Variants in FARP1 observed in about 807,000 individuals in gnomAD.
FARP1 encodes FERM, ARHGEF and pleckstrin domain-containing protein 1.
FARP1 carries 52 observed loss-of-function variants against 128.8 expected under a neutral mutation model. That is an observed-to-expected ratio of 0.40 (90% CI 0.32 to 0.51). The LOEUF (loss-of-function observed/expected upper bound fraction) is 0.51, where lower values mean the gene tolerates loss of function less well. FARP1 is among the 20% of genes least tolerant of loss of function. The probability of loss-of-function intolerance (pLI) is 0.45; values close to 1 mark genes in which losing one functional copy is unlikely to be tolerated. For synonymous variants in FARP1, 580 were observed against 551.8 expected, an observed-to-expected ratio of 1.05 and a Z score of -0.72; for missense variants, 1,333 against 1,367.9, an observed-to-expected ratio of 0.97 and a Z score of 0.40.
chr13:98,266,529 A>G lies in FARP1; in HGVS notation c.171+53116A>G, dbSNP rs568356426. Among the ~76,000 whole-genome samples the G allele has an allele frequency of 2.9e-3, 448 of 152,296 alleles. 3 individuals are homozygous for G. The highest frequency in any genetic ancestry group is 4.9e-3 in the Non-Finnish European group (331 of 68,026). On this transcript the variant is annotated intron_variant, in intron 2 of 26. Transcript: ENST00000319562. ...CTGGTGTGAACATTAACCCAGAACT[A>G]GCTTACTTACTTGCTCTGCCAAGAA...
At chr13:98,166,882 C>A (rs1877305164) in intron 1 of FARP1, among the ~76,000 whole-genome samples, 1 of 152,042 alleles carries the variant, frequency 6.6e-6, no homozygotes, top group Non-Finnish European at 1.5e-5. Flanking sequence ...CACTACCACA[C>A]CTGACTTAAT....
rs773576222 is a variant in FARP1, at chr13:98,409,320, C to G, written c.1415-18C>G. The G allele has an allele frequency of 1.3e-6, 2 of 1,544,326 alleles. No homozygotes were observed. Among genetic ancestry groups the G allele is most frequent in the Non-Finnish European group, 1.8e-6 (2 of 1,140,624 alleles). On this transcript the variant is annotated intron_variant, in intron 13 of 26. Coordinates refer to ENST00000319562, the MANE Select transcript of FARP1 (RefSeq NM_005766.4). ...AAAATTACTTTTTTTTTCTTTAAAACTTCTCATCCCCAAACAGGCTCCCTG... is the reference window on the plus strand; with the variant it reads ...AAAATTACTTTTTTTTTCTTTAAAAGTTCTCATCCCCAAACAGGCTCCCTG...
At chr13:98,161,259 A>G (rs1451827300) in intron 1 of FARP1, among the ~76,000 whole-genome samples, 2 of 142,852 alleles carry the variant, frequency 1.4e-5, no homozygotes, top group African/African-American at 5.3e-5. Flanking sequence ...CTTGTTGCCC[A>G]AGCCAGAGTG....
chr13:98,196,037 A>G (rs1397811499), intron 1 of FARP1, among the ~76,000 whole-genome samples: 1 of 152,132 alleles, frequency 6.6e-6, no homozygotes, highest in Admixed American at 6.5e-5. Flanking sequence ...AAGACATATT[A>G]GTAGACCTCT....
chr13:98,162,650 A>G (rs769922828), intron 1 of FARP1, among the ~76,000 whole-genome samples: 6 of 152,080 alleles, frequency 3.9e-5, no homozygotes, highest in Non-Finnish European at 5.9e-5. Flanking sequence ...TTCAGACACT[A>G]TTTATCTACT....
At chr13:98,187,241 T>C (rs1197389187) in intron 1 of FARP1, among the ~76,000 whole-genome samples, 3 of 152,200 alleles carry the variant, frequency 2.0e-5, no homozygotes, top group Non-Finnish European at 4.4e-5. Context: ...CCCTTGCAGG[T>C]AGAATGTCTT....
intron 3 of FARP1, among the ~76,000 whole-genome samples, chr13:98,351,760 G>A (rs1888441598): frequency 6.6e-6 from 1 of 152,132 alleles, no homozygotes; most frequent in South Asian, 2.1e-4. Context: ...AAGAGAGAGA[G>A]CAATTGGGGG....
chr13:98,243,088 T>G (rs909353749), intron 2 of FARP1, among the ~76,000 whole-genome samples: 1 of 152,220 alleles, frequency 6.6e-6, no homozygotes, highest in African/African-American at 2.4e-5. Context: ...TCCCCAGGCT[T>G]ATAATCAGTA....
intron 2 of FARP1, among the ~76,000 whole-genome samples, chr13:98,324,852 G>A (rs911900208): frequency 3.3e-5 from 5 of 152,202 alleles, no homozygotes; most frequent in Non-Finnish European, 5.9e-5. Flanking sequence ...GCCACACAGC[G>A]AAGACCTTCT....
intron 2 of FARP1, among the ~76,000 whole-genome samples, chr13:98,243,225 CT>C (rs1186076814): frequency 1.3e-5 from 2 of 152,084 alleles, no homozygotes; most frequent in African/African-American, 4.8e-5. Flanking sequence ...AAGATTTGGG[CT>C]TTGGTTTTGA....
chr13:98,323,162 A>G (rs1887076271), intron 2 of FARP1, among the ~76,000 whole-genome samples: 1 of 152,224 alleles, frequency 6.6e-6, no homozygotes, highest in Non-Finnish European at 1.5e-5. Context: ...TACAATCCTT[A>G]AAATGATCAA....
At chr13:98,371,217 C>G (rs1416993795) in intron 5 of FARP1, among the ~76,000 whole-genome samples, 1 of 89,744 alleles carries the variant, frequency 1.1e-5, no homozygotes, top group South Asian at 4.0e-4. Flanking sequence ...CCCCGCCCCC[C>G]GTTTTTTTTT....
chr13:98,168,558 C>T (rs1378404685), intron 1 of FARP1, among the ~76,000 whole-genome samples: 2 of 152,218 alleles, frequency 1.3e-5, no homozygotes, highest in Admixed American at 1.3e-4. Context: ...CTGTAATCTA[C>T]TGGGGGGGTT....
intron 1 of FARP1, among the ~76,000 whole-genome samples, chr13:98,151,365 G>A (rs1875984289): frequency 6.6e-6 from 1 of 152,070 alleles, no homozygotes; most frequent in African/African-American, 2.4e-5. Flanking sequence ...AAACCATCTG[G>A]AGAGGGGGAC....
At position 98,251,643 on chromosome 13, in the gene FARP1, A is replaced by G. The variant is rs576905440; in HGVS notation, c.171+38230A>G. On this transcript the variant is annotated intron_variant, in intron 2 of 26. Transcript: ENST00000319562. ...GGTTGCAGTAAGCTGAGATCACGCC[A>G]TTGCACTCCAGCCTGAGTGACAGAG... Among the ~76,000 whole-genome samples the G allele has an allele frequency of 1.9e-3, 290 of 150,960 alleles. 3 individuals carry two copies. Among genetic ancestry groups the G allele is most frequent in the Admixed American group, 1.8e-3 (27 of 15,052 alleles).
chr13:98,313,864 T>C (rs1415286903), intron 2 of FARP1, among the ~76,000 whole-genome samples: 1 of 152,222 alleles, frequency 6.6e-6, no homozygotes, highest in Non-Finnish European at 1.5e-5. Flanking sequence ...CAAGAGCGCC[T>C]GTGATAGCCC....
chr13:98,447,855 GAAAAAGA>G (rs1184085216), intron 26 of FARP1: 3 of 199,710 alleles, frequency 1.5e-5, no homozygotes, highest in Admixed American at 1.2e-4. Context: ...AAAAAAAAAA[GAAAAAGA>G]AAAAAGGAAG....
At chr13:98,375,709 A>G (rs1726566922) in intron 5 of FARP1, among the ~76,000 whole-genome samples, 1 of 150,700 alleles carries the variant, frequency 6.6e-6, no homozygotes, top group Non-Finnish European at 1.5e-5. Context: ...GCTCACTGCA[A>G]CCTCCACCTC....
chr13:98,435,527 C>T (rs776757682), intron 18 of FARP1, 49 bp from the exon 19 acceptor site: 30 of 1,566,914 alleles, frequency 1.9e-5, no homozygotes, highest in Non-Finnish European at 2.5e-5. Context: ...TAGGGGAAGA[C>T]CCCTGCCTGC....
Sources: gnomAD v4.1 joint callset for allele counts (sites outside exome capture counted in the v4.1 genomes callset) on GRCh38, gnomAD v4.1.1 for gene constraint, MANE v1.5 for transcripts, NCBI Gene and HGNC (gene_info 2026-07-23, HGNC 2026-07-21) for gene names.